ATXN7L1: variants seen among roughly 807,000 people sequenced by gnomAD.
ATXN7L1 encodes ataxin-7-like protein 1.
A neutral mutation model predicts 70.8 loss-of-function variants in ATXN7L1; 15 were observed. That is an observed-to-expected ratio of 0.21 (90% CI 0.14 to 0.33). The LOEUF (loss-of-function observed/expected upper bound fraction) is 0.33, where lower values mean the gene tolerates loss of function less well. ATXN7L1 is among the 10% of genes least tolerant of loss of function. The pLI is 1.00. For missense variants in ATXN7L1, 975 were observed against 1,097.1 expected, an observed-to-expected ratio of 0.89 and a Z score of 1.57; for synonymous variants, 440 against 445.1, an observed-to-expected ratio of 0.99 and a Z score of 0.14.
intron 3 of ATXN7L1, among the ~76,000 whole-genome samples, chr7:105,786,296 C>T (rs1267647978): frequency 6.6e-6 from 1 of 152,196 alleles, no homozygotes; most frequent in Non-Finnish European, 1.5e-5. Flanking sequence ...GTCCCCTAAG[C>T]TGACTCTTGG....
At chr7:105,629,521 TA>T (rs1372066188) in intron 7 of ATXN7L1, among the ~76,000 whole-genome samples, 3 of 149,142 alleles carry the variant, frequency 2.0e-5, no homozygotes, top group Non-Finnish European at 4.4e-5. Context: ...GTTACTTATT[TA>T]TTTTTTTTTT....
intron 3 of ATXN7L1, among the ~76,000 whole-genome samples, chr7:105,692,436 C>CCTTCCTTCCTT (rs1791116867): frequency 1.9e-5 from 2 of 107,284 alleles, no homozygotes; most frequent in Non-Finnish European, 3.7e-5. Flanking sequence ...CTCCCTCCCT[C>CCTTCCTTCCTT]CCTCCCTCCC....
chr7:105,692,951 C>G (rs1463869231), intron 3 of ATXN7L1, among the ~76,000 whole-genome samples: 1 of 152,154 alleles, frequency 6.6e-6, no homozygotes, highest in African/African-American at 2.4e-5. Flanking sequence ...CTCCTGGCCT[C>G]AAGCGATCCT....
chr7:105,859,647 T>A (rs1816264302), intron 2 of ATXN7L1, among the ~76,000 whole-genome samples: 1 of 152,130 alleles, frequency 6.6e-6, no homozygotes, highest in Non-Finnish European at 1.5e-5. Context: ...CCAATGGGAA[T>A]ATCATAGAGT....
intron 2 of ATXN7L1, among the ~76,000 whole-genome samples, chr7:105,792,153 C>T (rs1344705444): frequency 1.3e-5 from 2 of 152,156 alleles, no homozygotes; most frequent in Non-Finnish European, 2.9e-5. Context: ...GGTAAAGGTT[C>T]GGCTCCTTAG....
Position 105,620,188 on chromosome 7 carries a change from C to CTGCT in ATXN7L1, c.1517+8_1517+11dup. On this transcript the variant is annotated intron_variant, in intron 9 of 11. Transcript: ENST00000419735. Reference sequence around the variant, plus strand: ...GCTTGGATCTTATATTGCACAAAAGCTGCTCACTTACTTCCACATCTGTGA... The same window carrying CTGCT: ...GCTTGGATCTTATATTGCACAAAAGCTGCTTGCTCACTTACTTCCACATCTGTGA... 1 of 1,550,884 alleles carries CTGCT rather than the reference C, an allele frequency of 6.4e-7. No individual in the cohort carries two copies. Among genetic ancestry groups the CTGCT allele is most frequent in the Non-Finnish European group, 8.7e-7 (1 of 1,146,474 alleles).
intron 3 of ATXN7L1, among the ~76,000 whole-genome samples, chr7:105,781,593 T>G (rs1803541569): frequency 6.6e-6 from 1 of 152,208 alleles, no homozygotes; most frequent in Non-Finnish European, 1.5e-5. Flanking sequence ...TAATCACAAG[T>G]GAAAACTCTG....
chr7:105,727,680 A>AG (rs1795973717), intron 3 of ATXN7L1, among the ~76,000 whole-genome samples: 1 of 143,338 alleles, frequency 7.0e-6, no homozygotes, highest in Admixed American at 7.0e-5. Context: ...AAAAAAAAAA[A>AG]AAAAGAAAAG....
chr7:105,816,002 C>T (rs1326433925), intron 2 of ATXN7L1, among the ~76,000 whole-genome samples: 1 of 152,220 alleles, frequency 6.6e-6, no homozygotes, highest in Non-Finnish European at 1.5e-5. Flanking sequence ...TCCCAGTACA[C>T]TGGTTGGCTC....
At chr7:105,733,343 T>A (rs1584868854) in intron 3 of ATXN7L1, among the ~76,000 whole-genome samples, 2 of 152,368 alleles carry the variant, frequency 1.3e-5, no homozygotes, top group East Asian at 3.9e-4. Flanking sequence ...GAAAGTTACC[T>A]ACATACAAAG....
chr7:105,763,477 A>T (rs1219990676), intron 3 of ATXN7L1, among the ~76,000 whole-genome samples: 1 of 152,240 alleles, frequency 6.6e-6, no homozygotes. Flanking sequence ...TCAGGCCATG[A>T]GGCTGCCTCT....
At chr7:105,713,128 T>C (rs1794127709) in intron 3 of ATXN7L1, among the ~76,000 whole-genome samples, 2 of 152,070 alleles carry the variant, frequency 1.3e-5, no homozygotes, top group African/African-American at 4.8e-5. Flanking sequence ...GCTAGACACT[T>C]CTAAATCATC....
intron 2 of ATXN7L1, among the ~76,000 whole-genome samples, chr7:105,812,131 T>C (rs1226841081): frequency 6.6e-6 from 1 of 152,186 alleles, no homozygotes; most frequent in Admixed American, 6.5e-5. Context: ...TCAACCTTAG[T>C]GCTCATCTCC....
intron 2 of ATXN7L1, among the ~76,000 whole-genome samples, chr7:105,838,481 G>A (rs1422896995): frequency 6.6e-6 from 1 of 152,200 alleles, no homozygotes; most frequent in Non-Finnish European, 1.5e-5. Flanking sequence ...AGAAACAGCT[G>A]CTGCATAGGC....
At chr7:105,643,418 T>C (rs1379086144) in intron 4 of ATXN7L1, among the ~76,000 whole-genome samples, 1 of 152,192 alleles carries the variant, frequency 6.6e-6, no homozygotes, top group Non-Finnish European at 1.5e-5. Flanking sequence ...CCCTATAGGT[T>C]GGCCATTTCC....
rs148658794 is a variant in ATXN7L1, at chr7:105,645,752, A to G, written c.579-2631T>C. ...GGCGTGAACCCAGGAGGCAGAGCTTACAGTGAGCCGAGATAGTGCCACTGC... is the reference window on the plus strand; with the variant it reads ...GGCGTGAACCCAGGAGGCAGAGCTTGCAGTGAGCCGAGATAGTGCCACTGC... On this transcript the variant is annotated intron_variant, in intron 4 of 11. Coordinates refer to ENST00000419735, the MANE Select transcript of ATXN7L1 (RefSeq NM_020725.2). 2.6e-3 allele frequency among the ~76,000 whole-genome samples: 389 copies of G among 151,304 alleles called. 8 individuals are homozygous for G. In the East Asian group the frequency reaches 0.061, roughly 24 times the overall value.
At chr7:105,859,355 G>A (rs1043380843) in intron 2 of ATXN7L1, among the ~76,000 whole-genome samples, 4 of 152,030 alleles carry the variant, frequency 2.6e-5, no homozygotes, top group African/African-American at 9.7e-5. Context: ...GTGTCGTGAT[G>A]TCTATAACTT....
Position 105,876,547 on chromosome 7 carries a change from C to T in ATXN7L1, c.12G>A (p.Glu4=). 1 of 1,605,462 alleles carries T rather than the reference C, an allele frequency of 6.2e-7. No individual in the cohort carries two copies. ...CCGAGAGACACGGGATTCGAGAACGCTCCGACGTCATCTTCGGAACGTTCC... is the reference window on the plus strand; with the variant it reads ...CCGAGAGACACGGGATTCGAGAACGTTCCGACGTCATCTTCGGAACGTTCC... MTS[E]RSRIPCLSAA... The change falls in exon 1 of 12, where the codon GAG becomes GAA. Residue 4 remains glutamate (E), a synonymous_variant. Transcript: ENST00000419735.
chr7:105,850,679 G>T (rs886895822), intron 2 of ATXN7L1, among the ~76,000 whole-genome samples: 16 of 152,184 alleles, frequency 1.1e-4, no homozygotes, highest in Non-Finnish European at 2.1e-4. Flanking sequence ...ACACTGTGGT[G>T]TCTCCTTCTG....
Sources: gnomAD v4.1 joint callset for allele counts (sites outside exome capture counted in the v4.1 genomes callset) on GRCh38, gnomAD v4.1.1 for gene constraint, MANE v1.5 for transcripts, NCBI Gene and HGNC (gene_info 2026-07-23, HGNC 2026-07-21) for gene names.